ADAMTS6: variants seen among roughly 807,000 people sequenced by gnomAD.
The protein encoded by ADAMTS6 is ADAM metallopeptidase with thrombospondin type 1 motif 6, also known as A disintegrin and metalloproteinase with thrombospondin motifs 6.
In ADAMTS6, 23 loss-of-function variants were observed where a neutral mutation model predicts 144.3. The ratio of observed to expected loss-of-function variants is 0.16; its 90% CI spans 0.11 to 0.23. The LOEUF (loss-of-function observed/expected upper bound fraction) is 0.23. Ranked by LOEUF, ADAMTS6 falls within the 10% of genes least tolerant of loss-of-function variation. The pLI, the probability that ADAMTS6 is intolerant of heterozygous loss-of-function variation, is 1.00. For synonymous variants in ADAMTS6, 444 were observed against 457.5 expected, an observed-to-expected ratio of 0.97 and a Z score of 0.38; for missense variants, 999 against 1,379.6, an observed-to-expected ratio of 0.72 and a Z score of 4.37.
chr5:65,333,383 A>T (rs529396778), intron 8 of ADAMTS6, among the ~76,000 whole-genome samples: 19 of 151,558 alleles, frequency 1.3e-4, no homozygotes, highest in African/African-American at 4.4e-4. Flanking sequence ...ATACTACAAA[A>T]ATGCTTTTAA....
chr5:65,452,100 C>T (rs375879851), intron 6 of ADAMTS6, 33 bp downstream of exon 6: 134 of 1,521,052 alleles, frequency 8.8e-5, no homozygotes, highest in Non-Finnish European at 1.2e-4. Context: ...CTTCTGTTAA[C>T]AATCTTAGAT....
intron 7 of ADAMTS6, among the ~76,000 whole-genome samples, chr5:65,345,585 C>G (rs1390274691): frequency 2.0e-5 from 3 of 151,716 alleles, no homozygotes; most frequent in African/African-American, 7.2e-5. Flanking sequence ...GACATAATCT[C>G]TCAACTTAGA....
intron 7 of ADAMTS6, among the ~76,000 whole-genome samples, chr5:65,451,157 T>A (rs1019367160): frequency 1.3e-5 from 2 of 152,216 alleles, no homozygotes; most frequent in African/African-American, 4.8e-5. Flanking sequence ...GTTTTAATCT[T>A]GTTTTAGTAT....
intron 7 of ADAMTS6, among the ~76,000 whole-genome samples, chr5:65,357,964 C>T (rs1026246535): frequency 6.6e-6 from 1 of 151,904 alleles, no homozygotes; most frequent in Non-Finnish European, 1.5e-5. Flanking sequence ...AGAGGAAATA[C>T]TTCCAAACTC....
intron 14 of ADAMTS6, among the ~76,000 whole-genome samples, chr5:65,252,642 T>A (rs1760276955): frequency 6.6e-6 from 1 of 151,648 alleles, no homozygotes; most frequent in South Asian, 2.1e-4. Flanking sequence ...TATAGTGCTA[T>A]AAGCTAACAA....
chr5:65,480,631 A>G (rs1043349117), intron 1 of ADAMTS6, among the ~76,000 whole-genome samples: 1 of 152,168 alleles, frequency 6.6e-6, no homozygotes, highest in African/African-American at 2.4e-5. Flanking sequence ...ATTATCAGAA[A>G]GAGGCTTCCC....
chr5:65,179,463 A>G (rs1754195819), intron 22 of ADAMTS6, among the ~76,000 whole-genome samples: 1 of 152,216 alleles, frequency 6.6e-6, no homozygotes, highest in African/African-American at 2.4e-5. Context: ...CAAAAGAAAA[A>G]GGGGTGCCCA....
rs1760318112 is a variant in ADAMTS6 at position 65,470,098 on chromosome 5, A to G, written c.462+680T>C. Among the ~76,000 whole-genome samples the G allele has an allele frequency of 3.3e-5, 5 of 152,278 alleles. No homozygotes were observed. In the South Asian group the frequency reaches 1.0e-3, roughly 32 times the overall value. On this transcript the variant is annotated intron_variant, in intron 3 of 24. Transcript: ENST00000381055. Reference sequence around the variant, plus strand: ...CTTTTTTCCATTCTTTCTTAAAAATATATTTTTAGAAATGGGTGCCTCGCC... The same window carrying G: ...CTTTTTTCCATTCTTTCTTAAAAATGTATTTTTAGAAATGGGTGCCTCGCC...
chr5:65,481,185 A>C (rs537966428), intron 1 of ADAMTS6, among the ~76,000 whole-genome samples, 158 bp downstream of exon 1: 1 of 151,320 alleles, frequency 6.6e-6, no homozygotes, highest in East Asian at 1.9e-4. Context: ...CTATTTGTAA[A>C]ATGAGTTCAG....
rs11741683 is a variant in ADAMTS6, at chr5:65,230,409, G to T, written c.1934-4190C>A. Reference sequence around the variant, plus strand: ...TATATATGAAATATATATAATACATGATATATATGAAATATATATAATACA... The same window carrying T: ...TATATATGAAATATATATAATACATTATATATATGAAATATATATAATACA... On this transcript the variant is annotated intron_variant, in intron 15 of 24. Transcript: ENST00000381055. 5.2e-3 allele frequency among the ~76,000 whole-genome samples: 90 copies of T among 17,296 alleles called. 27 individuals are homozygous for T. The African/African-American group carries it at 0.089, about 17-fold the overall frequency. 11.3% of individuals were successfully genotyped at this position (17,296 alleles called of 152,430 possible). A position where few individuals can be genotyped will look rare whatever the true frequency, so the allele number is the denominator to read the frequency against.
At position 65,386,645 on chromosome 5, in the gene ADAMTS6, T is replaced by G. The variant is rs114260438; in HGVS notation, c.1074-52560A>C. On this transcript the variant is annotated intron_variant, in intron 7 of 24. Transcript: ENST00000381055. Reference sequence around the variant, plus strand: ...CTCTGACACCCAGGCCAGAGTGCAGTGGCCTGACCTTGACTCACTGCAACC... The same window carrying G: ...CTCTGACACCCAGGCCAGAGTGCAGGGGCCTGACCTTGACTCACTGCAACC... Among the ~76,000 whole-genome samples the G allele has an allele frequency of 5.9e-3, 906 of 152,300 alleles. 12 individuals are homozygous for G. The highest frequency in any genetic ancestry group is 0.021 in the African/African-American group (871 of 41,572).
chr5:65,449,210 T>C (rs1264028230), intron 7 of ADAMTS6, among the ~76,000 whole-genome samples: 1 of 152,228 alleles, frequency 6.6e-6, no homozygotes, highest in East Asian at 1.9e-4. Context: ...TTCTAACCTC[T>C]GTTACATTAG....
At chr5:65,437,144 G>C (rs1280988388) in intron 7 of ADAMTS6, among the ~76,000 whole-genome samples, 1 of 151,438 alleles carries the variant, frequency 6.6e-6, no homozygotes. Flanking sequence ...GTCCAGGCTG[G>C]AGTGCAGTGG....
chr5:65,433,067 T>G (rs1757115222), intron 7 of ADAMTS6, among the ~76,000 whole-genome samples: 1 of 152,156 alleles, frequency 6.6e-6, no homozygotes, highest in African/African-American at 2.4e-5. Flanking sequence ...TCATTATACA[T>G]GCACTGCCTT....
intron 9 of ADAMTS6, among the ~76,000 whole-genome samples, chr5:65,321,404 A>C (rs1315311374): frequency 6.6e-6 from 1 of 151,266 alleles, no homozygotes; most frequent in South Asian, 2.1e-4. Context: ...TTTTCTTGTA[A>C]ATTTGTTTAA....
chr5:65,421,135 T>A (rs1174967707), intron 7 of ADAMTS6, among the ~76,000 whole-genome samples: 5 of 152,226 alleles, frequency 3.3e-5, no homozygotes. Context: ...ATACTTTGTT[T>A]TTTTCATTGT....
intron 16 of ADAMTS6, among the ~76,000 whole-genome samples, chr5:65,225,767 C>T (rs1037902159): frequency 1.3e-5 from 2 of 152,122 alleles, no homozygotes; most frequent in Non-Finnish European, 2.9e-5. Context: ...GAGCTGAATC[C>T]TCATTCTCTC....
chr5:65,180,761 A>G (rs1205444869), intron 22 of ADAMTS6, among the ~76,000 whole-genome samples: 3 of 152,128 alleles, frequency 2.0e-5, no homozygotes, highest in African/African-American at 4.8e-5. Flanking sequence ...TTCAAACTCT[A>G]TATATGCTTA....
intron 20 of ADAMTS6, among the ~76,000 whole-genome samples, chr5:65,199,648 C>A (rs1755609092): frequency 1.3e-5 from 2 of 152,054 alleles, no homozygotes; most frequent in South Asian, 4.1e-4. Context: ...TTAGTGGGAT[C>A]CAGTAATTAG....
Sources: allele counts gnomAD v4.1 joint callset (sites outside exome capture counted in the v4.1 genomes callset), GRCh38; gene constraint gnomAD v4.1.1; transcripts MANE v1.5; gene names NCBI Gene and HGNC (gene_info 2026-07-23, HGNC 2026-07-21).